Variants in SPECC1 observed in about 807,000 individuals in gnomAD.
The protein encoded by SPECC1 is sperm antigen with calponin homology and coiled-coil domains 1.
SPECC1 carries 62 observed loss-of-function variants against 104.1 expected under a neutral mutation model. That is an observed-to-expected ratio of 0.60 (90% confidence interval 0.49 to 0.74). The LOEUF (loss-of-function observed/expected upper bound fraction) is 0.74. SPECC1 is among the 30% of genes least tolerant of loss of function. SPECC1 has a pLI of 0.00. For synonymous variants in SPECC1, 513 were observed against 501.6 expected (o/e 1.02, Z -0.30); for missense variants, 1,306 against 1,310.5 (o/e 1.00, Z 0.05).
intron 3 of SPECC1, among the ~76,000 whole-genome samples, chr17:20,191,487 CTT>C (rs57417459): frequency 0.66 from 83,809 of 127,944 alleles, 26,966 homozygotes; most frequent in East Asian, 0.87. Context: ...TGTGGAGCAG[CTT>C]TTTTTTTTTT....
chr17:20,018,498 C>G (rs1288908242), intron 1 of SPECC1, among the ~76,000 whole-genome samples: 2 of 152,202 alleles, frequency 1.3e-5, no homozygotes, highest in African/African-American at 4.8e-5. Flanking sequence ...TTAACTGGTC[C>G]TCCTGCCTCG....
intron 3 of SPECC1, among the ~76,000 whole-genome samples, chr17:20,116,835 G>A (rs1181335704): frequency 1.9e-5 from 1 of 52,554 alleles, no homozygotes; most frequent in Non-Finnish European, 4.1e-5. Flanking sequence ...TTTTTTTTTG[G>A]CTGTCATGAC....
At chr17:20,180,209 G>A (rs1047407354) in intron 3 of SPECC1, among the ~76,000 whole-genome samples, 2 of 152,148 alleles carry the variant, frequency 1.3e-5, no homozygotes, top group Admixed American at 6.5e-5. Flanking sequence ...ATTAGCAAAA[G>A]CGAGGAGAGG....
chr17:20,155,746 TG>T, intron 3 of SPECC1: 1 of 234,742 alleles, frequency 4.3e-6, no homozygotes, highest in Non-Finnish European at 7.3e-6. Flanking sequence ...CTCACCGCAG[TG>T]GGGTTTTTCC....
intron 2 of SPECC1, among the ~76,000 whole-genome samples, chr17:20,104,833 A>G (rs1233974400): frequency 2.7e-5 from 4 of 150,896 alleles, no homozygotes; most frequent in Non-Finnish European, 5.9e-5. Context: ...CCAGGGCTCC[A>G]TGGCTCACAG....
At chr17:20,284,227 C>T (rs2040869136) in intron 12 of SPECC1, among the ~76,000 whole-genome samples, 1 of 152,252 alleles carries the variant, frequency 6.6e-6, no homozygotes, top group Non-Finnish European at 1.5e-5. Context: ...ACAATATCCA[C>T]TTCCCAGTGC....
chr17:20,293,004 C>A (rs2041224380), intron 12 of SPECC1, among the ~76,000 whole-genome samples: 1 of 152,154 alleles, frequency 6.6e-6, no homozygotes, highest in Admixed American at 6.5e-5. Context: ...CTGACTGGAA[C>A]TGAGAAGAGG....
At chr17:20,284,349 A>G (rs1038769003) in intron 12 of SPECC1, among the ~76,000 whole-genome samples, 1 of 152,226 alleles carries the variant, frequency 6.6e-6, no homozygotes. Flanking sequence ...AGAAAGGAGG[A>G]TGCTGTGAAG....
intron 4 of SPECC1, among the ~76,000 whole-genome samples, chr17:20,227,103 A>AG (rs931283278): frequency 1.3e-5 from 2 of 152,048 alleles, no homozygotes; most frequent in African/African-American, 4.8e-5. Flanking sequence ...TGCTTGTAGG[A>AG]GGGGGCACAG....
At chr17:20,288,032 A>G (rs138212344) in intron 12 of SPECC1, among the ~76,000 whole-genome samples, 109 of 151,290 alleles carry the variant, frequency 7.2e-4, no homozygotes, top group African/African-American at 2.5e-3. Context: ...TTCCACTTAT[A>G]AATGAGAACA....
chr17:20,076,654 A>G (rs1208527952), intron 1 of SPECC1, among the ~76,000 whole-genome samples: 1 of 152,088 alleles, frequency 6.6e-6, no homozygotes, highest in Non-Finnish European at 1.5e-5. Context: ...TGTCCATGGA[A>G]CTTTCCTTAT....
intron 3 of SPECC1, among the ~76,000 whole-genome samples, chr17:20,150,326 C>A (rs1295024385): frequency 6.7e-6 from 1 of 148,806 alleles, no homozygotes; most frequent in Non-Finnish European, 1.5e-5. Flanking sequence ...CTCATCACAA[C>A]CTTTGCCTCA....
chr17:20,261,241 G>C (rs146869212), intron 12 of SPECC1, among the ~76,000 whole-genome samples: 1 of 151,948 alleles, frequency 6.6e-6, no homozygotes, highest in Admixed American at 6.6e-5. Flanking sequence ...AGTGGCTCAC[G>C]CCTGTAATCC....
At chr17:20,251,164 G>T (rs917351895) in intron 9 of SPECC1, among the ~76,000 whole-genome samples, 1 of 136,446 alleles carries the variant, frequency 7.3e-6, no homozygotes, top group African/African-American at 2.8e-5. Flanking sequence ...GGAGGCGGAG[G>T]TTGCAGTCAC....
chr17:20,246,838 G>T (rs934233292), intron 8 of SPECC1, among the ~76,000 whole-genome samples: 1 of 152,146 alleles, frequency 6.6e-6, no homozygotes, highest in Non-Finnish European at 1.5e-5. Context: ...TGCTAAAATT[G>T]TTTGCACCTA....
chr17:20,304,117 CAAAAAAAAAA>C (rs774130653), intron 13 of SPECC1, among the ~76,000 whole-genome samples: 7 of 39,336 alleles, frequency 1.8e-4, no homozygotes, highest in African/African-American at 5.2e-4. Context: ...ACTAAAAATA[CAAAAAAAAAA>C]AAAAAAAAAA....
chr17:20,296,654 C>T (rs1364220110), intron 12 of SPECC1, among the ~76,000 whole-genome samples: 1 of 152,172 alleles, frequency 6.6e-6, no homozygotes, highest in Non-Finnish European at 1.5e-5. Context: ...TATCCATGAG[C>T]ATGGAATGTT....
chr17:20,230,219 T>TA (rs1450517663), intron 5 of SPECC1, among the ~76,000 whole-genome samples: 1 of 152,198 alleles, frequency 6.6e-6, no homozygotes, highest in African/African-American at 2.4e-5. Flanking sequence ...CTAGAGACAA[T>TA]AGTTCGGTGT....
intron 1 of SPECC1, among the ~76,000 whole-genome samples, chr17:20,011,533 C>A (rs1373703729): frequency 1.3e-5 from 2 of 151,754 alleles, no homozygotes; most frequent in South Asian, 4.1e-4. Context: ...TTTGATCAGA[C>A]TTGCTTAATG....
Sources: gnomAD v4.1 joint callset for allele counts (sites outside exome capture counted in the v4.1 genomes callset) on GRCh38, gnomAD v4.1.1 for gene constraint, MANE v1.5 for transcripts, NCBI Gene and HGNC (gene_info 2026-07-23, HGNC 2026-07-21) for gene names.